C10orf90: variants seen among roughly 807,000 people sequenced by gnomAD.
C10orf90 encodes the protein chromosome 10 open reading frame 90, also known as (E2-independent) E3 ubiquitin-conjugating enzyme FATS.
A neutral mutation model predicts 62.5 loss-of-function variants in C10orf90; 56 were observed. The observed-to-expected ratio is 0.90, with a 90% CI of 0.72 to 1.12. C10orf90 has a LOEUF of 1.12. Ranked by LOEUF, C10orf90 falls within the 50% of genes most tolerant of loss-of-function variation. C10orf90 has a pLI of 0.00. For synonymous variants in C10orf90, 386 were observed against 340.4 expected, an observed-to-expected ratio of 1.13 and a Z score of -1.47; for missense variants, 970 against 880.4, an observed-to-expected ratio of 1.10 and a Z score of -1.29.
chr10:126,618,882 A>G (rs1029000546), intron 2 of C10orf90, among the ~76,000 whole-genome samples: 3 of 152,178 alleles, frequency 2.0e-5, no homozygotes, highest in African/African-American at 7.2e-5. Flanking sequence ...AAAAGCATAC[A>G]GCATAGAGCC....
Position 126,502,685 on chromosome 10 carries a change from G to T in C10orf90, c.1534+1272C>A, listed in dbSNP as rs575756582. The T allele has an allele frequency of 7.3e-5, 29 of 397,574 alleles. 1 individual carries two copies. The highest frequency in any genetic ancestry group is 5.6e-4 in the South Asian group (26 of 46,696). 24.6% of individuals were successfully genotyped at this position (397,574 alleles called of 1,614,324 possible). A position where few individuals can be genotyped will look rare whatever the true frequency, so the allele number is the denominator to read the frequency against. On this transcript the variant is annotated intron_variant, in intron 4 of 9. Coordinates refer to ENST00000488181, the MANE Select transcript of C10orf90 (RefSeq NM_001350921.2). ...AAAAATGAGGATGTGCTTTAACTGG[G>T]GTAACATACAACAATGCAGTGGTGT...
chr10:126,457,234 C>A (rs1859643860), intron 7 of C10orf90, among the ~76,000 whole-genome samples: 1 of 152,174 alleles, frequency 6.6e-6, no homozygotes, highest in Non-Finnish European at 1.5e-5. Context: ...AGAGATCCAC[C>A]CATCTTGGCC....
chr10:126,627,085 C>T (rs564118604), intron 2 of C10orf90, among the ~76,000 whole-genome samples: 6 of 151,482 alleles, frequency 4.0e-5, no homozygotes, highest in East Asian at 3.9e-4. Flanking sequence ...CTGCAACCTC[C>T]GCATCCTGGA....
intron 2 of C10orf90, among the ~76,000 whole-genome samples, chr10:126,629,051 A>C (rs1304799217): frequency 6.6e-6 from 1 of 152,186 alleles, no homozygotes; most frequent in African/African-American, 2.4e-5. Flanking sequence ...GCCAATGCAC[A>C]AATTAGGATT....
chr10:126,666,698 G>T (rs374862838), intron 1 of C10orf90, among the ~76,000 whole-genome samples: 1 of 152,008 alleles, frequency 6.6e-6, no homozygotes, highest in Non-Finnish European at 1.5e-5. Flanking sequence ...TCACTATGAG[G>T]CCAGGCACGG....
intron 7 of C10orf90, among the ~76,000 whole-genome samples, chr10:126,457,579 G>A (rs11244989): frequency 6.6e-6 from 1 of 152,204 alleles, no homozygotes; most frequent in Non-Finnish European, 1.5e-5. Flanking sequence ...GTGTATGTGA[G>A]TCTTGAGCTC....
chr10:126,469,239 C>G (rs1860442777), intron 4 of C10orf90, among the ~76,000 whole-genome samples: 1 of 152,150 alleles, frequency 6.6e-6, no homozygotes, highest in Non-Finnish European at 1.5e-5. Context: ...CATTTATATC[C>G]AGATTAGTTT....
At chr10:126,612,180 G>A (rs141738910) in intron 2 of C10orf90, among the ~76,000 whole-genome samples, 38 of 152,276 alleles carry the variant, frequency 2.5e-4, no homozygotes, top group African/African-American at 8.2e-4. Flanking sequence ...AATTAGCTGC[G>A]CATGGAGGCG....
intron 2 of C10orf90, among the ~76,000 whole-genome samples, chr10:126,565,199 C>T (rs1398107015): frequency 3.7e-5 from 2 of 54,278 alleles, no homozygotes; most frequent in Non-Finnish European, 6.6e-5. Flanking sequence ...ATTTATATTA[C>T]ATATTATGTA....
At chr10:126,584,641 CT>C in intron 2 of C10orf90, among the ~76,000 whole-genome samples, 1 of 152,330 alleles carries the variant, frequency 6.6e-6, no homozygotes, top group East Asian at 1.9e-4. Flanking sequence ...TGTTTTGCCC[CT>C]GTCCCTGTGC....
chr10:126,464,859 G>A lies in C10orf90; in HGVS notation c.1662C>T (p.Ser554=), dbSNP rs74814928. 3.1e-3 allele frequency: 4,927 copies of A among 1,614,162 alleles called. 136 individuals carry two copies. The African/African-American group carries it at 0.058, about 19-fold the overall frequency. ...AAAGGTCTCTAGACAGACAGTCATC[G>A]CTTGGAGAGCTATCCCCAATGGGAA... The part of the protein sequence containing the change: ...HFLPIGDSSP[S]DDCLSRDLSE... The change falls in exon 5 of 10, where the codon AGC becomes AGT. Residue 554 remains serine (S), a synonymous_variant. Transcript: ENST00000488181.
At position 126,459,233 on chromosome 10, in the gene C10orf90, A is replaced by C. The variant is rs769348807; in HGVS notation, c.2011-16T>G. On this transcript the variant is annotated splice_polypyrimidine_tract_variant and intron_variant, in intron 6 of 9. Transcript: ENST00000488181. The stretch of plus-strand genomic sequence containing the variant: ...CCAGTGCTTCCTATGCAAAGCAAAG[A>C]AAATACGTCATTTTTAAGAGCAGTG... 6.2e-7 allele frequency: 1 copy of C among 1,612,664 alleles called. No homozygotes were observed. Among genetic ancestry groups the C allele is most frequent in the Non-Finnish European group, 8.5e-7 (1 of 1,180,004 alleles).
intron 2 of C10orf90, among the ~76,000 whole-genome samples, chr10:126,597,411 G>A (rs868601443): frequency 1.2e-4 from 19 of 152,238 alleles, no homozygotes; most frequent in South Asian, 2.1e-4. Flanking sequence ...GGAGCTGCGT[G>A]ATTGGGGCAG....
intron 4 of C10orf90, among the ~76,000 whole-genome samples, chr10:126,473,111 A>G (rs1358810734): frequency 6.6e-6 from 1 of 152,144 alleles, no homozygotes; most frequent in Non-Finnish European, 1.5e-5. Context: ...TGCCTCCTAC[A>G]TCCAATGGCC....
At chr10:126,647,258 GC>G (rs1173939540) in intron 1 of C10orf90, among the ~76,000 whole-genome samples, 1 of 152,130 alleles carries the variant, frequency 6.6e-6, no homozygotes, top group Non-Finnish European at 1.5e-5. Context: ...TACTGGGTTT[GC>G]CTGTCGTCCC....
chr10:126,571,125 G>T (rs1844496444), intron 2 of C10orf90, among the ~76,000 whole-genome samples: 1 of 152,248 alleles, frequency 6.6e-6, no homozygotes, highest in Admixed American at 6.5e-5. Flanking sequence ...GCTGCAATTG[G>T]AAACGTAAAC....
rs574254979 is a variant in C10orf90, at chr10:126,563,816, C to T, written c.314-49877G>A. ...ACATCCTGCACTCATTAACCAACACCGACCGAGGATCAGCCAGTAGCAGCC... is the reference window on the plus strand; with the variant it reads ...ACATCCTGCACTCATTAACCAACACTGACCGAGGATCAGCCAGTAGCAGCC... On this transcript the variant is annotated intron_variant, in intron 2 of 9. Transcript: ENST00000488181. Among the ~76,000 whole-genome samples, 13 of 152,266 alleles carry T rather than the reference C, an allele frequency of 8.5e-5. No homozygotes were observed. The East Asian group carries it at 1.2e-3, about 14-fold the overall frequency.
intron 2 of C10orf90, among the ~76,000 whole-genome samples, chr10:126,514,318 A>G (rs1863309357): frequency 6.6e-6 from 1 of 152,236 alleles, no homozygotes; most frequent in South Asian, 2.1e-4. Context: ...TGGGTGAAAT[A>G]CAATACTGAT....
chr10:126,509,398 A>C (rs7072094), intron 3 of C10orf90, among the ~76,000 whole-genome samples: 2,054 of 152,308 alleles, frequency 0.013, 60 homozygotes, highest in African/African-American at 0.047. Flanking sequence ...CCTACAAAGG[A>C]GTAAGAGGTG....
Sources: gnomAD v4.1 joint callset for allele counts (sites outside exome capture counted in the v4.1 genomes callset) on GRCh38, gnomAD v4.1.1 for gene constraint, MANE v1.5 for transcripts, NCBI Gene and HGNC (gene_info 2026-07-23, HGNC 2026-07-21) for gene names.